Variants in SLC35A1 observed in about 807,000 individuals in gnomAD.
SLC35A1 encodes the protein solute carrier family 35 member A1, also known as CMP-sialic acid transporter.
A neutral mutation model predicts 40.3 loss-of-function variants in SLC35A1; 21 were observed. The ratio of observed to expected loss-of-function variants is 0.52; its 90% CI spans 0.37 to 0.75. SLC35A1 has a LOEUF of 0.75. SLC35A1 is among the 30% of genes least tolerant of loss of function. SLC35A1 has a pLI of 0.00. For missense variants in SLC35A1, 297 were observed against 382.1 expected, an observed-to-expected ratio of 0.78 and a Z score of 1.86; for synonymous variants, 146 against 147.3, an observed-to-expected ratio of 0.99 and a Z score of 0.06.
chr6:87,473,101 G>T, intron 1 of SLC35A1, 82 bp downstream of exon 1: 1 of 419,558 alleles, frequency 2.4e-6, no homozygotes. Context: ...CCCCTGTCGG[G>T]CAGCGGAGCA....
intron 5 of SLC35A1, 94 bp downstream of exon 5, chr6:87,506,542 T>C: frequency 1.0e-6 from 1 of 1,002,748 alleles, no homozygotes; most frequent in South Asian, 1.3e-5. Context: ...TTTCTCAGTT[T>C]TATTCCCATT....
intron 1 of SLC35A1, among the ~76,000 whole-genome samples, chr6:87,476,381 G>T (rs1325195189): frequency 2.0e-5 from 3 of 152,158 alleles, no homozygotes; most frequent in African/African-American, 7.2e-5. Flanking sequence ...CATTGCTGCA[G>T]TTGGTTTCAT....
rs535230326 is a variant in SLC35A1 at position 87,504,457 on chromosome 6, G to C, written c.508-1925G>C. On this transcript the variant is annotated intron_variant, in intron 4 of 7. Coordinates refer to ENST00000369552, the MANE Select transcript of SLC35A1 (RefSeq NM_006416.5). ...GAAGATGCCCTTATTTAGATATGTT[G>C]ATTTCCTTATGTATTCTTTTTTTTA... is the stretch of plus-strand genomic sequence containing the variant. 8.5e-5 allele frequency among the ~76,000 whole-genome samples: 13 copies of C among 152,146 alleles called. No individual in the cohort carries two copies. In the South Asian group the frequency reaches 2.7e-3, roughly 32 times the overall value.
chr6:87,502,801 CCT>C (rs1299113827), intron 4 of SLC35A1, among the ~76,000 whole-genome samples: 3 of 152,020 alleles, frequency 2.0e-5, no homozygotes, highest in African/African-American at 7.3e-5. Context: ...ATCTTGTATC[CCT>C]CTCACCCCAC....
chr6:87,489,535 C>CTTTTTTTTTTTTT (rs36003216), intron 2 of SLC35A1, among the ~76,000 whole-genome samples: 1 of 99,026 alleles, frequency 1.0e-5, no homozygotes, highest in Non-Finnish European at 1.9e-5. Flanking sequence ...CAACTGTGAG[C>CTTTTTTTTTTTTT]TTTTTTTTTT....
chr6:87,492,343 C>T (rs1769578163), intron 2 of SLC35A1, among the ~76,000 whole-genome samples: 3 of 151,866 alleles, frequency 2.0e-5, no homozygotes, highest in South Asian at 4.2e-4. Flanking sequence ...TAGAGAGTTC[C>T]TCCATCTTTT....
intron 1 of SLC35A1, among the ~76,000 whole-genome samples, chr6:87,473,517 C>T (rs1470979874): frequency 6.6e-6 from 1 of 152,208 alleles, no homozygotes; most frequent in East Asian, 1.9e-4. Flanking sequence ...AAAGACATCA[C>T]TGGGGCGTCA....
intron 3 of SLC35A1, among the ~76,000 whole-genome samples, chr6:87,500,888 T>C (rs190326481): frequency 3.1e-4 from 47 of 152,054 alleles, no homozygotes; most frequent in African/African-American, 1.1e-3. Context: ...GCTGGGACTA[T>C]AGGCACATGC....
At chr6:87,499,152 AAT>A in intron 2 of SLC35A1, 1 of 978,288 alleles carries the variant, frequency 1.0e-6, no homozygotes, top group Non-Finnish European at 1.2e-6. Flanking sequence ...TTCTACAGCA[AAT>A]AAATAGGCAC....
At chr6:87,482,110 A>T (rs1769261196) in intron 2 of SLC35A1, among the ~76,000 whole-genome samples, 1 of 152,170 alleles carries the variant, frequency 6.6e-6, no homozygotes, top group African/African-American at 2.4e-5. Flanking sequence ...AGCATTTTTC[A>T]TGACTTTCGC....
intron 2 of SLC35A1, among the ~76,000 whole-genome samples, chr6:87,480,546 A>G (rs1273921146): frequency 6.6e-6 from 1 of 152,158 alleles, no homozygotes; most frequent in Non-Finnish European, 1.5e-5. Flanking sequence ...TGCTTTTGTC[A>G]TTTGGCATGA....
Position 87,511,476 on chromosome 6 carries a change from T to C in SLC35A1, c.964T>C (p.Ser322Pro), listed in dbSNP as rs781550655. 7 of 1,613,744 alleles carry C rather than the reference T, an allele frequency of 4.3e-6. No homozygotes were observed. Among genetic ancestry groups the C allele is most frequent in the Non-Finnish European group, 5.9e-6 (7 of 1,179,832 alleles). The change falls in exon 8 of 8, where the codon TCC becomes CCC. Residue 322 changes from serine (S) to proline (P), a missense_variant. Physicochemically the swap from Ser to Pro is moderately conservative, Grantham distance 74. Transcript: ENST00000369552. ...TGGATTACCCAGACAAGACACTACA[T>C]CCATCCAACAAGGAGAAACAGCTTC... ...LYGLPRQDTT[S>P]IQQGETASKE...
intron 4 of SLC35A1, among the ~76,000 whole-genome samples, chr6:87,503,604 C>T (rs1258351829): frequency 6.6e-6 from 1 of 152,052 alleles, no homozygotes; most frequent in Admixed American, 6.5e-5. Context: ...CCTAGCTACT[C>T]AGGAGGCTGA....
At chr6:87,507,504 C>T (rs185633651) in intron 5 of SLC35A1, among the ~76,000 whole-genome samples, 59 of 152,188 alleles carry the variant, frequency 3.9e-4, no homozygotes, top group African/African-American at 1.4e-3. Flanking sequence ...TTTACGGTAA[C>T]TGAGCACTGG....
Position 87,480,478 on chromosome 6 carries a change from T to C in SLC35A1, c.194+2939T>C, listed in dbSNP as rs1043651170. On this transcript the variant is annotated intron_variant, in intron 2 of 7. Coordinates refer to ENST00000369552, the MANE Select transcript of SLC35A1 (RefSeq NM_006416.5). ...CATTTTAACCAGGCATTTACATCTT[T>C]ATACCCTGTCAATAGCTATGGTTTG... Among the ~76,000 whole-genome samples, 3 of 152,252 alleles carry C rather than the reference T, an allele frequency of 2.0e-5. No homozygotes were observed. The East Asian group carries it at 5.8e-4, about 29-fold the overall frequency.
chr6:87,505,265 TAC>T (rs1490527530), intron 4 of SLC35A1, among the ~76,000 whole-genome samples: 1 of 152,226 alleles, frequency 6.6e-6, no homozygotes, highest in Non-Finnish European at 1.5e-5. Context: ...CTTGTCATAT[TAC>T]AGTCATGAAT....
intron 4 of SLC35A1, among the ~76,000 whole-genome samples, chr6:87,502,042 C>T (rs889661942): frequency 1.3e-5 from 2 of 152,104 alleles, no homozygotes; most frequent in Admixed American, 1.3e-4. Flanking sequence ...AGCAAACAGA[C>T]TATGGTTCTC....
intron 2 of SLC35A1, among the ~76,000 whole-genome samples, chr6:87,489,564 T>C: frequency 7.6e-6 from 1 of 132,346 alleles, no homozygotes; most frequent in African/African-American, 3.0e-5. Context: ...TTTTTGTAGA[T>C]GGAGTCTTGC....
chr6:87,512,173 T>C lies in SLC35A1; in HGVS notation c.*647T>C, dbSNP rs1770306175. On this transcript the variant is annotated 3_prime_UTR_variant, in exon 8 of 8. Transcript: ENST00000369552. ...ATTCATTATCTGGTTCATATTTCTT[T>C]TCTGTTAGATGATACACATTTCTTC... is the stretch of plus-strand genomic sequence containing the variant. 6.5e-6 allele frequency: 1 copy of C among 152,918 alleles called. No individual in the cohort carries two copies. Among genetic ancestry groups the C allele is most frequent in the Non-Finnish European group, 1.5e-5 (1 of 68,256 alleles). The allele number at this position is 152,918 out of a possible 1,614,324, so 9.5% of individuals were successfully genotyped here. A position where few individuals can be genotyped will look rare whatever the true frequency, so the allele number is the denominator to read the frequency against.
Sources: gnomAD v4.1 joint callset for allele counts (sites outside exome capture counted in the v4.1 genomes callset) on GRCh38, gnomAD v4.1.1 for gene constraint, MANE v1.5 for transcripts, NCBI Gene and HGNC (gene_info 2026-07-23, HGNC 2026-07-21) for gene names.